CLDN18: variants seen among roughly 807,000 people sequenced by gnomAD.
The protein encoded by CLDN18 is claudin 18.
In CLDN18, 20 loss-of-function variants were observed where a neutral mutation model predicts 25.0. The ratio of observed to expected loss-of-function variants is 0.80; its 90% confidence interval spans 0.56 to 1.16. The LOEUF (loss-of-function observed/expected upper bound fraction) is 1.16, where lower values mean the gene tolerates loss of function less well. Ranked by LOEUF, CLDN18 falls within the 50% of genes most tolerant of loss-of-function variation. CLDN18 has a pLI of 0.00. For missense variants in CLDN18, 297 were observed against 345.4 expected (o/e 0.86, Z 1.11); for synonymous variants, 125 against 135.6 (o/e 0.92, Z 0.54).
chr3:138,023,866 C>T lies in CLDN18; in HGVS notation c.385+44C>T, dbSNP rs112935391. 1,357 of 1,570,134 alleles carry T rather than the reference C, an allele frequency of 8.6e-4. 11 individuals carry two copies. The African/African-American group carries it at 0.015, about 18-fold the overall frequency. On this transcript the variant is annotated intron_variant, in intron 2 of 4. Coordinates refer to ENST00000183605, the MANE Select transcript of CLDN18 (RefSeq NM_016369.4). Reference sequence around the variant, plus strand: ...GTTCCCACTTCTGCGAATGTCAAAGCAAAATTATTCTGGTAGAGAAAACAT... The same window carrying T: ...GTTCCCACTTCTGCGAATGTCAAAGTAAAATTATTCTGGTAGAGAAAACAT...
At chr3:138,005,281 G>A (rs550724288), upstream of CLDN18, among the ~76,000 whole-genome samples, 4 of 151,924 alleles carry the variant, frequency 2.6e-5, no homozygotes, top group Admixed American at 6.6e-5. Flanking sequence ...TGGGATACAT[G>A]TGCAGAACGT....
At chr3:138,008,234 G>T (rs1213135981), upstream of CLDN18, among the ~76,000 whole-genome samples, 1 of 140,460 alleles carries the variant, frequency 7.1e-6, no homozygotes, top group East Asian at 2.4e-4. Flanking sequence ...GGAGTGTGGG[G>T]GTGTGTGGGG....
upstream of CLDN18, among the ~76,000 whole-genome samples, chr3:138,005,409 C>G (rs953062395): frequency 3.3e-5 from 5 of 151,732 alleles, no homozygotes; most frequent in South Asian, 2.1e-4. Context: ...CCCTAACAGG[C>G]CCAGGTGTGT....
intron 3 of CLDN18, among the ~76,000 whole-genome samples, chr3:138,025,767 T>C (rs1170474987): frequency 6.6e-6 from 1 of 152,180 alleles, no homozygotes; most frequent in Non-Finnish European, 1.5e-5. Flanking sequence ...GGTTCCACAT[T>C]CTGGGAAACC....
rs186179451 is a variant in CLDN18, at chr3:138,031,480, C to T, written c.*339C>T. 7.0e-4 allele frequency: 120 copies of T among 171,782 alleles called. No homozygotes were observed. Among genetic ancestry groups the T allele is most frequent in the Non-Finnish European group, 1.3e-3 (107 of 81,294 alleles). 10.6% of individuals were successfully genotyped at this position (171,782 alleles called of 1,614,324 possible). A position where few individuals can be genotyped will look rare whatever the true frequency, so the allele number is the denominator to read the frequency against. ...TTTAGACAGACTCCCCCTCTTCCTC[C>T]TAGTCAATAAACCCATTGATGATCT... On this transcript the variant is annotated 3_prime_UTR_variant, in exon 5 of 5. Transcript: ENST00000183605.
At chr3:138,017,021 A>G (rs1576409665) in intron 1 of CLDN18, among the ~76,000 whole-genome samples, 3 of 150,840 alleles carry the variant, frequency 2.0e-5, no homozygotes, top group African/African-American at 4.9e-5. Context: ...GCGCCACTGC[A>G]CTCCAGCCTG....
chr3:138,004,922 A>C (rs1942053974), intron 1 of CLDN18: 1 of 152,106 alleles, frequency 6.6e-6, no homozygotes, highest in Non-Finnish European at 1.5e-5. Flanking sequence ...CATTCAACAA[A>C]TATTTATTGA....
upstream of CLDN18, among the ~76,000 whole-genome samples, chr3:138,009,343 G>T (rs184758719): frequency 6.6e-5 from 10 of 152,308 alleles, no homozygotes; most frequent in African/African-American, 1.9e-4. Flanking sequence ...GCCTTTGTGG[G>T]ACCTCCTGTG....
At chr3:138,001,997 A>C (rs1362222550) in intron 1 of CLDN18, among the ~76,000 whole-genome samples, 2 of 152,144 alleles carry the variant, frequency 1.3e-5, no homozygotes, top group Admixed American at 6.5e-5. Flanking sequence ...ACAAAGAAAC[A>C]ACCTCAAACA....
Position 138,031,177 on chromosome 3 carries a change from C to T in CLDN18, c.*36C>T, listed in dbSNP as rs201892247. 68 of 1,519,122 alleles carry T rather than the reference C, an allele frequency of 4.5e-5. No individual in the cohort carries two copies. Among genetic ancestry groups the T allele is most frequent in the Admixed American group, 1.9e-4 (10 of 51,766 alleles). 94.1% of individuals were successfully genotyped at this position (1,519,122 alleles called of 1,614,324 possible). On this transcript the variant is annotated 3_prime_UTR_variant, in exon 5 of 5. Coordinates refer to ENST00000183605, the MANE Select transcript of CLDN18 (RefSeq NM_016369.4). The stretch of plus-strand genomic sequence containing the variant: ...CCTCTCAGCACGGGCGGAAGAAACT[C>T]CCGGAGAGCTCACCCAAAAAACAAG...
chr3:138,020,235 C>A (rs752546687), intron 1 of CLDN18, among the ~76,000 whole-genome samples: 2 of 152,190 alleles, frequency 1.3e-5, no homozygotes, highest in Non-Finnish European at 2.9e-5. Flanking sequence ...TTACTGGCAC[C>A]TGCTCCCATG....
intron 1 of CLDN18, among the ~76,000 whole-genome samples, chr3:138,016,123 C>T (rs1942200183): frequency 1.3e-5 from 2 of 152,130 alleles, no homozygotes; most frequent in Non-Finnish European, 2.9e-5. Flanking sequence ...TTAATCTTTA[C>T]AAAAATCAGG....
intron 1 of CLDN18, 83 bp downstream of exon 1, chr3:138,010,528 C>T (rs1464480728): frequency 5.2e-6 from 8 of 1,544,950 alleles, no homozygotes; most frequent in East Asian, 2.4e-5. Context: ...CCACTCCCAC[C>T]TCTGGGTGAG....
At chr3:138,009,585 C>T (rs1942106090), upstream of CLDN18, among the ~76,000 whole-genome samples, 1 of 152,120 alleles carries the variant, frequency 6.6e-6, no homozygotes, top group Admixed American at 6.5e-5. Flanking sequence ...GAGCCCCACC[C>T]CTGCCGTTTT....
intron 1 of CLDN18, among the ~76,000 whole-genome samples, chr3:138,001,176 T>C (rs1399286380): frequency 1.3e-5 from 2 of 152,256 alleles, no homozygotes; most frequent in Non-Finnish European, 1.5e-5. Flanking sequence ...AACCCTGTCC[T>C]GTCCGCACCT....
chr3:138,028,133 C>T (rs913503857), intron 3 of CLDN18, among the ~76,000 whole-genome samples: 4 of 151,698 alleles, frequency 2.6e-5, no homozygotes, highest in African/African-American at 9.7e-5. Flanking sequence ...GGCGCAATCT[C>T]GGCTCACTGC....
At chr3:138,009,271 T>C (rs1942102400), upstream of CLDN18, among the ~76,000 whole-genome samples, 1 of 152,206 alleles carries the variant, frequency 6.6e-6, no homozygotes, top group African/African-American at 2.4e-5. Context: ...CAGGAGCAGA[T>C]CCTAAGCCTC....
Position 138,002,198 on chromosome 3 carries a change from A to G in CLDN18, c.220+3110A>G, listed in dbSNP as rs550698571. Reference sequence around the variant, plus strand: ...GGTAGTGAGGTGTCTACGACTTGGTAGTTCTCTGCAGTGGTCTTCCTTGTT... The same window carrying G: ...GGTAGTGAGGTGTCTACGACTTGGTGGTTCTCTGCAGTGGTCTTCCTTGTT... On this transcript the variant is annotated intron_variant, in intron 1 of 4. Transcript: ENST00000343735. Among the ~76,000 whole-genome samples the G allele has an allele frequency of 1.3e-3, 193 of 152,274 alleles. 1 individual carries two copies. The highest frequency in any genetic ancestry group is 2.1e-3 in the Non-Finnish European group (140 of 68,010).
chr3:138,004,646 C>T (rs1942049454), intron 1 of CLDN18: 1 of 151,454 alleles, frequency 6.6e-6, no homozygotes, highest in Non-Finnish European at 1.5e-5. Context: ...TTTTACAAAG[C>T]AATGAAGAAA....
Sources: allele counts gnomAD v4.1 joint callset (sites outside exome capture counted in the v4.1 genomes callset), GRCh38; gene constraint gnomAD v4.1.1; transcripts MANE v1.5; gene names NCBI Gene and HGNC (gene_info 2026-07-23, HGNC 2026-07-21).